Variants in MAP3K13 observed in about 807,000 individuals in gnomAD.
MAP3K13 encodes leucine zipper-bearing kinase.
MAP3K13 carries 52 observed loss-of-function variants against 104.0 expected under a neutral mutation model. That is an observed-to-expected ratio of 0.50 (90% confidence interval 0.40 to 0.63). The LOEUF is 0.63. Ranked by LOEUF, MAP3K13 falls within the 20% of genes least tolerant of loss-of-function variation. The pLI is 0.00. For synonymous variants in MAP3K13, 394 were observed against 442.2 expected, an observed-to-expected ratio of 0.89 and a Z score of 1.37; for missense variants, 914 against 1,218.5, an observed-to-expected ratio of 0.75 and a Z score of 3.72.
chr3:185,318,547 A>C (rs7433706), intron 2 of MAP3K13, among the ~76,000 whole-genome samples: 104,620 of 152,116 alleles, frequency 0.69, 37,235 homozygotes, highest in Non-Finnish European at 0.78. Flanking sequence ...TTAATGTTAA[A>C]ATTCTCACAT....
chr3:185,311,348 C>T (rs955070159), intron 2 of MAP3K13, among the ~76,000 whole-genome samples: 2 of 152,088 alleles, frequency 1.3e-5, no homozygotes, highest in Non-Finnish European at 2.9e-5. Flanking sequence ...AGTGAAAACC[C>T]CTGATAAACC....
At chr3:185,439,660 G>A (rs925988609) in intron 3 of MAP3K13, among the ~76,000 whole-genome samples, 12 of 152,142 alleles carry the variant, frequency 7.9e-5, no homozygotes, top group African/African-American at 1.2e-4. Context: ...TAGGGTACCC[G>A]GGGTCACTGA....
Position 185,488,158 on chromosome 3 carries a change from T to G in MAP3K13, c.*5702T>G, listed in dbSNP as rs1718809792. 6.6e-6 allele frequency: 1 copy of G among 152,248 alleles called. No homozygotes were observed. The highest frequency in any genetic ancestry group is 1.5e-5 in the Non-Finnish European group (1 of 68,044). 9.4% of individuals were successfully genotyped at this position (152,248 alleles called of 1,614,324 possible). A position where few individuals can be genotyped will look rare whatever the true frequency, so the allele number is the denominator to read the frequency against. On this transcript the variant is annotated 3_prime_UTR_variant, in exon 14 of 14. Coordinates refer to ENST00000265026, the MANE Select transcript of MAP3K13 (RefSeq NM_004721.5). ...ATATAAGTCCCAGTTACTTGCTTCTTAGACTCTGTGAGACTCATGTACCAA... is the reference window on the plus strand; with the variant it reads ...ATATAAGTCCCAGTTACTTGCTTCTGAGACTCTGTGAGACTCATGTACCAA...
intron 2 of MAP3K13, among the ~76,000 whole-genome samples, chr3:185,430,994 G>A (rs930849828): frequency 1.3e-5 from 2 of 152,170 alleles, no homozygotes; most frequent in East Asian, 1.9e-4. Context: ...GGCAGAAGGC[G>A]AAGGGGAAGC....
intron 2 of MAP3K13, among the ~76,000 whole-genome samples, chr3:185,435,496 C>CA (rs1350674177): frequency 3.3e-5 from 5 of 152,178 alleles, no homozygotes; most frequent in Non-Finnish European, 7.3e-5. Flanking sequence ...CCAACGCTAT[C>CA]ACTTGCTGTT....
rs1381048958 is a variant in MAP3K13 at position 185,488,050 on chromosome 3, A to G, written c.*5594A>G. ...GGAACACCAATCACTGATGGATCCC[A>G]TTCCAAAATGTCTCTTCATTCACAT... On this transcript the variant is annotated 3_prime_UTR_variant, in exon 14 of 14. Transcript: ENST00000265026. 1.3e-5 allele frequency: 2 copies of G among 152,234 alleles called. No homozygotes were observed. Among genetic ancestry groups the G allele is most frequent in the African/African-American group, 4.8e-5 (2 of 41,460 alleles). 9.4% of individuals were successfully genotyped at this position (152,234 alleles called of 1,614,324 possible). A position where few individuals can be genotyped will look rare whatever the true frequency, so the allele number is the denominator to read the frequency against.
chr3:185,402,375 G>C (rs1046849433), intron 1 of MAP3K13, among the ~76,000 whole-genome samples: 1 of 151,936 alleles, frequency 6.6e-6, no homozygotes, highest in Non-Finnish European at 1.5e-5. Context: ...GCTTTGGGTG[G>C]TTTTTTAAAA....
chr3:185,428,048 C>T (rs1714528774), intron 1 of MAP3K13, among the ~76,000 whole-genome samples: 1 of 149,106 alleles, frequency 6.7e-6, no homozygotes, highest in African/African-American at 2.5e-5. Context: ...CATTGCACTC[C>T]AGCCTGGGCA....
rs189653182 is a variant in MAP3K13, at chr3:185,439,589, A to G, written c.659+1959A>G. 5.9e-4 allele frequency among the ~76,000 whole-genome samples: 90 copies of G among 152,300 alleles called. 1 individual carries two copies. The highest frequency in any genetic ancestry group is 8.1e-4 in the Non-Finnish European group (55 of 68,032). On this transcript the variant is annotated intron_variant, in intron 3 of 13. Transcript: ENST00000265026. ...GACACAGAATGTCCCGTAGATGAGT[A>G]TGGCCTTTTGGCCTCTTGAAGTGAA...
chr3:185,466,850 G>A lies in MAP3K13; in HGVS notation c.1530G>A (p.Lys510=). The stretch of plus-strand genomic sequence containing the variant: ...GGCGTGAGCAAGCAGTGGAAAAGAA[G>A]TATCCTGGGACCTACAAACGACACC... ...LIKREQAVEK[K]YPGTYKRHPV... Residue 510 remains lysine, a synonymous_variant, in exon 10 of 14, where the codon AAG becomes AAA. Coordinates refer to ENST00000265026, the MANE Select transcript of MAP3K13 (RefSeq NM_004721.5). 6.2e-7 allele frequency: 1 copy of A among 1,613,986 alleles called. No homozygotes were observed. The highest frequency in any genetic ancestry group is 8.5e-7 in the Non-Finnish European group (1 of 1,179,858).
At position 185,455,246 on chromosome 3, in the gene MAP3K13, G is replaced by C. The variant is rs868484034; in HGVS notation, c.1278+3851G>C. 6.9e-5 allele frequency among the ~76,000 whole-genome samples: 3 copies of C among 43,372 alleles called. No individual in the cohort carries two copies. The South Asian group carries it at 2.4e-3, about 35-fold the overall frequency. The allele number at this position is 43,372 out of a possible 152,430, so 28.5% of individuals were successfully genotyped here. A position where few individuals can be genotyped will look rare whatever the true frequency, so the allele number is the denominator to read the frequency against. On this transcript the variant is annotated intron_variant, in intron 7 of 13. Transcript: ENST00000265026. Reference sequence around the variant, plus strand: ...TATGATATATATGAGATATATATATGATATATATGAGATATATGAGATATA... The same window carrying C: ...TATGATATATATGAGATATATATATCATATATATGAGATATATGAGATATA...
intron 2 of MAP3K13, among the ~76,000 whole-genome samples, chr3:185,347,401 T>C (rs907946953): frequency 2.0e-5 from 3 of 152,218 alleles, no homozygotes; most frequent in Non-Finnish European, 4.4e-5. Flanking sequence ...TCTATTTCTT[T>C]ATACATCTCT....
intron 1 of MAP3K13, among the ~76,000 whole-genome samples, chr3:185,426,179 C>T (rs901410177): frequency 1.3e-5 from 2 of 152,132 alleles, no homozygotes; most frequent in African/African-American, 4.8e-5. Context: ...TTGCTGGGTT[C>T]GAGCAATTCT....
intron 7 of MAP3K13, among the ~76,000 whole-genome samples, chr3:185,455,431 TGAGA>T (rs1716497743): frequency 8.8e-6 from 1 of 113,426 alleles, no homozygotes; most frequent in Admixed American, 1.1e-4. Flanking sequence ...ATGATATATA[TGAGA>T]TATATATATG....
chr3:185,330,046 ATTTTTTTTTTTTTTTTTTTTTTTTTT>A (rs548813356), intron 2 of MAP3K13, among the ~76,000 whole-genome samples: 1 of 98,298 alleles, frequency 1.0e-5, no homozygotes, highest in Non-Finnish European at 1.9e-5. Context: ...TGCCTGGCTA[ATTTTTTTTTTTTTTTTTTTTTTTTTT>A]TTTTTTTTTT....
At chr3:185,427,725 A>G (rs2108801209) in intron 1 of MAP3K13, among the ~76,000 whole-genome samples, 1 of 152,348 alleles carries the variant, frequency 6.6e-6, no homozygotes, top group African/African-American at 2.4e-5. Flanking sequence ...AGTTTGTACT[A>G]AAGATGTGTA....
intron 2 of MAP3K13, among the ~76,000 whole-genome samples, chr3:185,288,920 A>G (rs774209394): frequency 6.6e-6 from 1 of 152,190 alleles, no homozygotes; most frequent in Admixed American, 6.5e-5. Context: ...TATGATCAAG[A>G]TTAACCAAGA....
At chr3:185,430,447 C>A (rs530051195) in intron 2 of MAP3K13, among the ~76,000 whole-genome samples, 7 of 152,012 alleles carry the variant, frequency 4.6e-5, no homozygotes, top group African/African-American at 1.7e-4. Flanking sequence ...CCTCTTTCTC[C>A]CCCCACCCTC....
At chr3:185,357,461 A>AG (rs1292900732) in intron 2 of MAP3K13, among the ~76,000 whole-genome samples, 1 of 151,090 alleles carries the variant, frequency 6.6e-6, no homozygotes, top group East Asian at 1.9e-4. Context: ...AAAAAAAAAA[A>AG]AAAAAAGAAA....
Sources: allele counts gnomAD v4.1 joint callset (sites outside exome capture counted in the v4.1 genomes callset), GRCh38; gene constraint gnomAD v4.1.1; transcripts MANE v1.5; gene names NCBI Gene and HGNC (gene_info 2026-07-23, HGNC 2026-07-21).